KATNAL2: variants seen among roughly 807,000 people sequenced by gnomAD.
KATNAL2 encodes the protein katanin p60 ATPase-containing subunit A-like 2.
Under a neutral mutation model 76.3 loss-of-function variants are expected in KATNAL2, and 52 were observed. The observed-to-expected ratio is 0.68, with a 90% CI of 0.55 to 0.86. The LOEUF (loss-of-function observed/expected upper bound fraction) is 0.86, where lower values mean the gene tolerates loss of function less well. Ranked by LOEUF, KATNAL2 falls within the 40% of genes least tolerant of loss-of-function variation. The pLI is 0.00. For missense variants in KATNAL2, 660 were observed against 668.9 expected, an observed-to-expected ratio of 0.99 and a Z score of 0.15; for synonymous variants, 243 against 244.2, an observed-to-expected ratio of 1.00 and a Z score of 0.05.
chr18:46,935,291 C>T (rs2059054856), intron 1 of KATNAL2, among the ~76,000 whole-genome samples: 1 of 152,164 alleles, frequency 6.6e-6, no homozygotes, highest in African/African-American at 2.4e-5. Flanking sequence ...GGCCGCAACA[C>T]CCACTGACTC....
rs78040287 is a variant in KATNAL2, at chr18:47,047,011, G to A, written c.122+484G>A. Reference sequence around the variant, plus strand: ...CTGGAGTGTAATCATGGCTCACTGCGACCTCTAACCACATCCCCCTGCTCC... The same window carrying A: ...CTGGAGTGTAATCATGGCTCACTGCAACCTCTAACCACATCCCCCTGCTCC... On this transcript the variant is annotated intron_variant, in intron 4 of 17. Coordinates refer to ENST00000683218, the MANE Select transcript of KATNAL2 (RefSeq NM_001387690.1). 8.4e-3 allele frequency among the ~76,000 whole-genome samples: 1,272 copies of A among 151,848 alleles called. 11 individuals carry two copies. The highest frequency in any genetic ancestry group is 0.038 in the East Asian group (195 of 5,156).
intron 1 of KATNAL2, among the ~76,000 whole-genome samples, chr18:46,918,999 A>C (rs1247230979): frequency 3.4e-5 from 5 of 145,394 alleles, no homozygotes; most frequent in Admixed American, 1.3e-4. Context: ...GTGCGTGTAT[A>C]TATATATATG....
intron 1 of KATNAL2, among the ~76,000 whole-genome samples, chr18:46,935,028 A>T (rs1203740405): frequency 6.6e-6 from 1 of 152,228 alleles, no homozygotes; most frequent in East Asian, 1.9e-4. Flanking sequence ...TTAGTCAAAA[A>T]TTAGCAGACC....
chr18:47,043,768 A>G (rs2061054011), intron 3 of KATNAL2, among the ~76,000 whole-genome samples: 1 of 152,112 alleles, frequency 6.6e-6, no homozygotes, highest in African/African-American at 2.4e-5. Context: ...TTGATTATTA[A>G]CAATACGTAT....
intron 15 of KATNAL2, among the ~76,000 whole-genome samples, chr18:47,080,955 A>T (rs1344389618): frequency 6.6e-6 from 1 of 151,910 alleles, no homozygotes; most frequent in Non-Finnish European, 1.5e-5. Context: ...ATTTGTAAAT[A>T]ATTTCTCCCA....
At chr18:46,949,593 A>G (rs1445637827) in intron 3 of KATNAL2, among the ~76,000 whole-genome samples, 1 of 152,170 alleles carries the variant, frequency 6.6e-6, no homozygotes, top group African/African-American at 2.4e-5. Context: ...TACCTTTCCC[A>G]GTCTTTCCCC....
chr18:47,079,916 T>G (rs1279740965), intron 15 of KATNAL2, among the ~76,000 whole-genome samples: 3 of 152,208 alleles, frequency 2.0e-5, no homozygotes, highest in Non-Finnish European at 2.9e-5. Context: ...GCTCCATTTT[T>G]GGTGATGCTA....
At chr18:47,063,463 A>G in intron 10 of KATNAL2, 102 bp downstream of exon 10, 1 of 841,202 alleles carries the variant, frequency 1.2e-6, no homozygotes, top group Non-Finnish European at 1.9e-6. Context: ...ATGATCATTT[A>G]TTTATAAAGT....
At chr18:47,071,953 C>CT (rs574265545) in intron 13 of KATNAL2, among the ~76,000 whole-genome samples, 557 of 43,910 alleles carry the variant, frequency 0.013, 79 homozygotes, top group Middle Eastern at 0.033. Context: ...CCAATTTCTT[C>CT]TTTTTTTTTT....
At chr18:47,048,453 A>G (rs2061232972) in intron 4 of KATNAL2, among the ~76,000 whole-genome samples, 2 of 152,228 alleles carry the variant, frequency 1.3e-5, no homozygotes, top group Middle Eastern at 3.4e-3. Flanking sequence ...ATTGCCCCCT[A>G]GAAGGAAATG....
intron 15 of KATNAL2, among the ~76,000 whole-genome samples, chr18:47,096,686 A>T (rs2063253516): frequency 6.6e-6 from 1 of 152,208 alleles, no homozygotes; most frequent in Non-Finnish European, 1.5e-5. Context: ...TATCCTAGAA[A>T]ATCAAATAAA....
chr18:46,944,044 G>A (rs1475891670), intron 1 of KATNAL2, among the ~76,000 whole-genome samples: 1 of 152,190 alleles, frequency 6.6e-6, no homozygotes, highest in Non-Finnish European at 1.5e-5. Context: ...GGTTTGTTGT[G>A]TAGTGGTCTA....
In KATNAL2 at chr18:46,957,198, G is replaced by T. The variant is rs1348507092; in HGVS notation, c.51+10275G>T. On this transcript the variant is annotated intron_variant, in intron 3 of 17. Transcript: ENST00000683218. The stretch of plus-strand genomic sequence containing the variant: ...TTGACTGTCTGTGAAGGTGTTTCGG[G>T]GTGAGACTAACGTTTGAATCAGTAG... 3.3e-5 allele frequency among the ~76,000 whole-genome samples: 5 copies of T among 151,422 alleles called. No individual in the cohort carries two copies. The East Asian group carries it at 7.7e-4, about 23-fold the overall frequency.
intron 4 of KATNAL2, among the ~76,000 whole-genome samples, chr18:47,048,076 G>A (rs2061217851): frequency 6.6e-6 from 1 of 152,128 alleles, no homozygotes; most frequent in African/African-American, 2.4e-5. Context: ...CTTTTTGGCT[G>A]TCACACTGGC....
intron 3 of KATNAL2, among the ~76,000 whole-genome samples, chr18:46,962,281 T>C (rs1258014418): frequency 7.6e-6 from 1 of 131,068 alleles, no homozygotes; most frequent in African/African-American, 3.3e-5. Context: ...GGCCGACGAT[T>C]ACAGGATCAT....
intron 15 of KATNAL2, among the ~76,000 whole-genome samples, chr18:47,085,348 C>A (rs2062723304): frequency 1.3e-5 from 2 of 152,136 alleles, no homozygotes; most frequent in South Asian, 4.1e-4. Context: ...CATTCCTGGG[C>A]TCAAGCCAAG....
chr18:47,051,039 G>A (rs1302062558), intron 4 of KATNAL2, among the ~76,000 whole-genome samples: 4 of 152,134 alleles, frequency 2.6e-5, no homozygotes, highest in African/African-American at 9.7e-5. Flanking sequence ...ATCTTCTCGG[G>A]CTTGGGTAAT....
chr18:47,032,597 G>A (rs894237294), intron 3 of KATNAL2: 31 of 244,076 alleles, frequency 1.3e-4, no homozygotes, highest in African/African-American at 6.5e-4. Context: ...TTATGTATTC[G>A]GAGTTATCAG....
At chr18:46,957,665 C>T (rs1227002596) in intron 3 of KATNAL2, among the ~76,000 whole-genome samples, 15 of 149,354 alleles carry the variant, frequency 1.0e-4, no homozygotes, top group African/African-American at 3.7e-4. Flanking sequence ...CAGGTTCAAG[C>T]GATTCTCTTG....
Sources: gnomAD v4.1 joint callset for allele counts (sites outside exome capture counted in the v4.1 genomes callset) on GRCh38, gnomAD v4.1.1 for gene constraint, MANE v1.5 for transcripts, NCBI Gene and HGNC (gene_info 2026-07-23, HGNC 2026-07-21) for gene names.